The following TRIM55 variants were observed in gnomAD, a reference collection of about 807,000 sequenced individuals.
TRIM55 encodes the protein tripartite motif containing 55.
A neutral mutation model predicts 60.9 loss-of-function variants in TRIM55; 50 were observed. That is an observed-to-expected ratio of 0.82 (90% CI 0.65 to 1.04). TRIM55 has a LOEUF of 1.04. Ranked by LOEUF, TRIM55 falls within the 50% of genes least tolerant of loss-of-function variation. The pLI, the probability that TRIM55 is intolerant of heterozygous loss-of-function variation, is 0.00. For synonymous variants in TRIM55, 237 were observed against 238.1 expected (o/e 1.00, Z 0.04); for missense variants, 681 against 666.9 (o/e 1.02, Z -0.23).
intron 5 of TRIM55, 28 bp from the exon 6 acceptor site, chr8:66,150,189 T>G: frequency 6.2e-7 from 1 of 1,608,548 alleles, no homozygotes; most frequent in Non-Finnish European, 8.5e-7. Flanking sequence ...ATAATTTAAG[T>G]AAGACTATCT....
intron 2 of TRIM55, among the ~76,000 whole-genome samples, chr8:66,134,156 A>G (rs1010167043): frequency 2.6e-5 from 4 of 152,248 alleles, no homozygotes; most frequent in African/African-American, 4.8e-5. Context: ...TTGGATCTGT[A>G]TAGCAACAAA....
At chr8:66,125,055 C>G (rs1808767408), upstream of TRIM55, among the ~76,000 whole-genome samples, 1 of 152,238 alleles carries the variant, frequency 6.6e-6, no homozygotes, top group Non-Finnish European at 1.5e-5. Flanking sequence ...ATCAAAGACT[C>G]AGAAGAATGC....
In TRIM55 at chr8:66,165,712, G is replaced by C. The variant is rs537370553; in HGVS notation, c.1525-8759G>C. The stretch of plus-strand genomic sequence containing the variant: ...CTGGAATTTCAACTTGATAACAATA[G>C]AGAAAAACTGATCCGTCCTCAGGAC... On this transcript the variant is annotated intron_variant, in intron 9 of 9. Transcript: ENST00000315962. Among the ~76,000 whole-genome samples, 4 of 152,122 alleles carry C rather than the reference G, an allele frequency of 2.6e-5. No homozygotes were observed. In the South Asian group the frequency reaches 8.3e-4, roughly 32 times the overall value.
At chr8:66,167,744 G>C (rs966619566) in intron 9 of TRIM55, among the ~76,000 whole-genome samples, 3 of 151,850 alleles carry the variant, frequency 2.0e-5, no homozygotes, top group Non-Finnish European at 4.4e-5. Context: ...ATCCTCCCAA[G>C]AAAAAATGCT....
intron 3 of TRIM55, among the ~76,000 whole-genome samples, chr8:66,136,401 A>C (rs924342904): frequency 6.6e-6 from 1 of 152,188 alleles, no homozygotes; most frequent in Non-Finnish European, 1.5e-5. Flanking sequence ...TAAATGTGAG[A>C]AAATTAGGGT....
chr8:66,174,528 G>A lies in TRIM55; in HGVS notation c.1582G>A (p.Gly528Arg), dbSNP rs2078960582. The A allele has an allele frequency of 6.2e-7, 1 of 1,611,860 alleles. No individual in the cohort carries two copies. The highest frequency in any genetic ancestry group is 8.5e-7 in the Non-Finnish European group (1 of 1,179,488). ...GGCTGCAGCTCCAGCGAGTGGCAGT[G>A]GAGCTGATTCTGAGCCAGCTCGCCA... ...GQAAAPASGS[G>R]ADSEPARHIF... Residue 528 changes from glycine to arginine, a missense_variant, in exon 10 of 10, where the codon GGA (glycine) becomes AGA (arginine). Coordinates refer to ENST00000315962, the MANE Select transcript of TRIM55 (RefSeq NM_184085.2).
At chr8:66,130,334 G>T (rs1190561905) in intron 2 of TRIM55, among the ~76,000 whole-genome samples, 1 of 152,138 alleles carries the variant, frequency 6.6e-6, no homozygotes, top group Non-Finnish European at 1.5e-5. Flanking sequence ...TTGTTATGCT[G>T]TTTTTTCTTG....
the TRIM55 span, among the ~76,000 whole-genome samples, chr8:66,119,152 T>C: frequency 6.6e-6 from 1 of 152,202 alleles, no homozygotes; most frequent in African/African-American, 2.4e-5. Flanking sequence ...TGCCTCCACA[T>C]CCACATCATC....
At chr8:66,133,397 C>CAA (rs761348104) in intron 2 of TRIM55, among the ~76,000 whole-genome samples, 1 of 132,850 alleles carries the variant, frequency 7.5e-6, no homozygotes, top group African/African-American at 2.8e-5. Flanking sequence ...GGAGATGCAG[C>CAA]AAAAAAAAAA....
At chr8:66,146,321 AT>A (rs1394481093) in intron 4 of TRIM55, among the ~76,000 whole-genome samples, 2 of 152,228 alleles carry the variant, frequency 1.3e-5, no homozygotes, top group African/African-American at 4.8e-5. Flanking sequence ...AATGCTTGGA[AT>A]TGCAAGTAAT....
intron 2 of TRIM55, among the ~76,000 whole-genome samples, chr8:66,134,088 C>T (rs1044204933): frequency 1.3e-5 from 2 of 152,164 alleles, no homozygotes; most frequent in Non-Finnish European, 2.9e-5. Flanking sequence ...TTTAACAATG[C>T]AGATCATAGC....
intron 9 of TRIM55, among the ~76,000 whole-genome samples, chr8:66,165,827 C>A (rs572202310): frequency 1.3e-5 from 2 of 152,002 alleles, no homozygotes; most frequent in South Asian, 4.2e-4. Flanking sequence ...ACATTCTTAC[C>A]TAGGAAAAAA....
chr8:66,149,551 A>G (rs2128979733), intron 4 of TRIM55, 94 bp from the exon 5 acceptor site: 1 of 978,876 alleles, frequency 1.0e-6, no homozygotes, highest in East Asian at 2.6e-5. Flanking sequence ...TATCCTACAT[A>G]AGTAAATGTT....
At chr8:66,140,620 T>A (rs1809752118) in intron 4 of TRIM55, among the ~76,000 whole-genome samples, 3 of 152,212 alleles carry the variant, frequency 2.0e-5, no homozygotes, top group African/African-American at 7.2e-5. Flanking sequence ...GCCAGTTCCA[T>A]ATCAGTGGGC....
the TRIM55 span, chr8:66,113,411 C>G: frequency 7.0e-6 from 3 of 427,762 alleles, no homozygotes; most frequent in South Asian, 5.0e-5. Context: ...TAGCTACTTC[C>G]TCAGCAGGAG....
At chr8:66,119,486 A>G in the TRIM55 span, among the ~76,000 whole-genome samples, 1 of 152,236 alleles carries the variant, frequency 6.6e-6, no homozygotes, top group Non-Finnish European at 1.5e-5. Context: ...ACCTGCACCA[A>G]AGAGACAAAA....
chr8:66,158,029 C>T (rs542555966), intron 9 of TRIM55, among the ~76,000 whole-genome samples: 1 of 152,156 alleles, frequency 6.6e-6, no homozygotes, highest in East Asian at 1.9e-4. Flanking sequence ...TCAAAGGCCC[C>T]AGTTTCCTTG....
At chr8:66,131,598 A>T (rs963630113) in intron 2 of TRIM55, among the ~76,000 whole-genome samples, 4 of 151,976 alleles carry the variant, frequency 2.6e-5, no homozygotes, top group African/African-American at 9.7e-5. Flanking sequence ...TTGGTGGCTT[A>T]CTCTCTTATT....
rs752634044 is a variant in TRIM55, at chr8:66,149,847, T to C, written c.806T>C (p.Met269Thr). 1.2e-6 allele frequency: 2 copies of C among 1,614,154 alleles called. No individual in the cohort carries two copies. The highest frequency in any genetic ancestry group is 2.2e-5 in the East Asian group (1 of 44,874). The change falls in exon 5 of 10, where the codon ATG becomes ACG. Residue 269 changes from methionine to threonine, a missense_variant. Met to Thr is a moderately conservative substitution (Grantham distance 81). Transcript: ENST00000315962. ...TTGGTTGAGTCAGGAATTCAGTTTA[T>C]GGATGAGCCAGAAATGGCAGTGTTT... ...SKLVESGIQF[M>T]DEPEMAVFLQ...
Sources: gnomAD v4.1 joint callset for allele counts (sites outside exome capture counted in the v4.1 genomes callset) on GRCh38, gnomAD v4.1.1 for gene constraint, MANE v1.5 for transcripts, NCBI Gene and HGNC (gene_info 2026-07-23, HGNC 2026-07-21) for gene names.